ZDHHC18: variants seen among roughly 807,000 people sequenced by gnomAD.
The protein encoded by ZDHHC18 is zDHHC palmitoyltransferase 18, also known as palmitoyltransferase ZDHHC18.
In ZDHHC18, 23 loss-of-function variants were observed where a neutral mutation model predicts 37.5. That is an observed-to-expected ratio of 0.61 (90% CI 0.44 to 0.87). ZDHHC18 has a LOEUF of 0.87. ZDHHC18 is among the 40% of genes least tolerant of loss of function. The pLI is 0.00. For synonymous variants in ZDHHC18, 185 were observed against 218.7 expected (o/e 0.85, Z 1.36); for missense variants, 406 against 525.6 (o/e 0.77, Z 2.22).
At chr1:26,851,540 T>C (rs942513021) in intron 6 of ZDHHC18, among the ~76,000 whole-genome samples, 2 of 152,218 alleles carry the variant, frequency 1.3e-5, no homozygotes, top group Admixed American at 6.5e-5. Context: ...ACATGACCGC[T>C]TACAGAATTC....
At position 26,855,007 on chromosome 1, in the gene ZDHHC18, G is replaced by A. The variant is rs1167842265; in HGVS notation, c.*1164G>A. Reference sequence around the variant, plus strand: ...CACGAGAAAACCCTGGGCTCCCACTGGGGCTCAGCCCAGCCTCCTATCTTT... The same window carrying A: ...CACGAGAAAACCCTGGGCTCCCACTAGGGCTCAGCCCAGCCTCCTATCTTT... On this transcript the variant is annotated 3_prime_UTR_variant, in exon 8 of 8. Coordinates refer to ENST00000374142, the MANE Select transcript of ZDHHC18 (RefSeq NM_032283.3). 6.6e-6 allele frequency: 1 copy of A among 152,276 alleles called. No individual in the cohort carries two copies. Among genetic ancestry groups the A allele is most frequent in the East Asian group, 1.9e-4 (1 of 5,188 alleles). 9.4% of individuals were successfully genotyped at this position (152,276 alleles called of 1,614,324 possible). A position where few individuals can be genotyped will look rare whatever the true frequency, so the allele number is the denominator to read the frequency against.
chr1:26,845,320 CTTTTTTTTTTTTTTTT>C (rs71007896), intron 2 of ZDHHC18, among the ~76,000 whole-genome samples: 3 of 45,192 alleles, frequency 6.6e-5, no homozygotes, highest in East Asian at 4.3e-4. Context: ...CTTCTTCATT[CTTTTTTTTTTTTTTTT>C]TTTTTTTTTT....
At chr1:26,853,300 T>C in intron 7 of ZDHHC18, 1 of 246,890 alleles carries the variant, frequency 4.1e-6, no homozygotes, top group South Asian at 5.7e-5. Context: ...GAACGGGGAT[T>C]ACATTGCTGT....
At chr1:26,849,382 G>A (rs1415245695) in intron 3 of ZDHHC18, among the ~76,000 whole-genome samples, 1 of 152,206 alleles carries the variant, frequency 6.6e-6, no homozygotes, top group South Asian at 2.1e-4. Flanking sequence ...AGAGGGCCCA[G>A]GTGAGCTGAG....
At chr1:26,838,315 AT>A (rs919442804) in intron 2 of ZDHHC18, among the ~76,000 whole-genome samples, 1 of 150,588 alleles carries the variant, frequency 6.6e-6, no homozygotes, top group Non-Finnish European at 1.5e-5. Context: ...TTTTTAAATT[AT>A]TTTTTGTAGA....
chr1:26,837,870 C>T (rs2081620695), intron 2 of ZDHHC18, among the ~76,000 whole-genome samples: 1 of 152,090 alleles, frequency 6.6e-6, no homozygotes, highest in Non-Finnish European at 1.5e-5. Context: ...GTCCCTGGCA[C>T]CCCCAGCCAC....
chr1:26,831,845 AT>A (rs2124247401), intron 1 of ZDHHC18, among the ~76,000 whole-genome samples: 1 of 152,126 alleles, frequency 6.6e-6, no homozygotes, highest in African/African-American at 2.4e-5. Flanking sequence ...GGAGCTTAGG[AT>A]TGTCTCCTTC....
intron 1 of ZDHHC18, among the ~76,000 whole-genome samples, chr1:26,829,767 T>G (rs1255219432): frequency 6.6e-6 from 1 of 152,240 alleles, no homozygotes; most frequent in African/African-American, 2.4e-5. Flanking sequence ...GTGTATTTGC[T>G]GGGAGGCTGG....
chr1:26,827,117 A>G lies in ZDHHC18; in HGVS notation c.313A>G (p.Thr105Ala). Residue 105 changes from threonine (T) to alanine (A), a missense_variant, in exon 1 of 8, where the codon ACC becomes GCC. Thr to Ala is a moderately conservative substitution (Grantham distance 58). Transcript: ENST00000374142. ...CACGCTGCTGCTCATCCTCACCACC[A>G]CCGGCCTCTTCTTCGTCTTTGAGTG... ...ALTLLLILTT[T>A]GLFFVFDCPY... 3 of 1,413,932 alleles carry G rather than the reference A, an allele frequency of 2.1e-6. No individual in the cohort carries two copies. The highest frequency in any genetic ancestry group is 2.8e-6 in the Non-Finnish European group (3 of 1,088,316). The allele number at this position is 1,413,932 out of a possible 1,614,324, so 87.6% of individuals were successfully genotyped here. A position where few individuals can be genotyped will look rare whatever the true frequency, so the allele number is the denominator to read the frequency against.
intron 2 of ZDHHC18, among the ~76,000 whole-genome samples, chr1:26,848,025 C>T (rs1016687381): frequency 2.0e-5 from 3 of 152,108 alleles, no homozygotes; most frequent in Non-Finnish European, 4.4e-5. Context: ...GCAAATAAAC[C>T]TCACTGGCTG....
At chr1:26,846,272 ATGTG>A (rs1233342256) in intron 2 of ZDHHC18, among the ~76,000 whole-genome samples, 2 of 84,956 alleles carry the variant, frequency 2.4e-5, no homozygotes, top group African/African-American at 4.9e-5. Context: ...ATAGAGATAT[ATGTG>A]TGTGTGTGTG....
Position 26,850,634 on chromosome 1 carries a change from C to T in ZDHHC18, c.833+28C>T, listed in dbSNP as rs2081698065. The T allele has an allele frequency of 6.2e-7, 1 of 1,613,506 alleles. No homozygotes were observed. The highest frequency in any genetic ancestry group is 1.3e-5 in the African/African-American group (1 of 74,938). On this transcript the variant is annotated intron_variant, in intron 5 of 7. Coordinates refer to ENST00000374142, the MANE Select transcript of ZDHHC18 (RefSeq NM_032283.3). The surrounding 1 kb of genome is among the most constrained non-coding windows in gnomAD (Gnocchi z 6.1). ...ATCCTTTGTCAGCTAGAGGACACTCCAGTGGGAACTGAGGTCCCTTCACTG... is the reference window on the plus strand; with the variant it reads ...ATCCTTTGTCAGCTAGAGGACACTCTAGTGGGAACTGAGGTCCCTTCACTG...
rs1046254926 is a variant in ZDHHC18 at position 26,853,714 on chromosome 1, G to T, written c.1050-12G>T. ...GGCAGAGCCCTCATGTGTCTCCCTTGTGTTTTGGAAGCCTAATTGACCGGA... is the reference window on the plus strand; with the variant it reads ...GGCAGAGCCCTCATGTGTCTCCCTTTTGTTTTGGAAGCCTAATTGACCGGA... On this transcript the variant is annotated splice_polypyrimidine_tract_variant and intron_variant, in intron 7 of 7. Transcript: ENST00000374142. 4 of 1,613,408 alleles carry T rather than the reference G, an allele frequency of 2.5e-6. No homozygotes were observed. The South Asian group carries it at 3.3e-5, about 13-fold the overall frequency.
At chr1:26,828,085 T>C (rs1038996063) in intron 1 of ZDHHC18, among the ~76,000 whole-genome samples, 5 of 152,160 alleles carry the variant, frequency 3.3e-5, no homozygotes, top group African/African-American at 1.2e-4. Context: ...GACCCAGGAT[T>C]GGCCCACACA....
intron 2 of ZDHHC18, among the ~76,000 whole-genome samples, chr1:26,844,769 G>A (rs918330828): frequency 6.6e-6 from 1 of 151,872 alleles, no homozygotes; most frequent in African/African-American, 2.4e-5. Flanking sequence ...GCATTTCCTC[G>A]CTGACTAATG....
At position 26,850,794 on chromosome 1, in the gene ZDHHC18, G is replaced by A. The variant is rs1373234095; in HGVS notation, c.833+188G>A. Among the ~76,000 whole-genome samples, 2 of 152,176 alleles carry A rather than the reference G, an allele frequency of 1.3e-5. No homozygotes were observed. Among genetic ancestry groups the A allele is most frequent in the Non-Finnish European group, 1.5e-5 (1 of 68,030 alleles). The stretch of plus-strand genomic sequence containing the variant: ...ATCCTAAATGGGGCATTGTGGGGCC[G>A]GGGGTTCCTCGTCTTCAGGGGCCTG... On this transcript the variant is annotated intron_variant, in intron 5 of 7. Transcript: ENST00000374142. This position sits in a 1 kb window ranked among gnomAD's most constrained non-coding sequence, Gnocchi z 6.1.
chr1:26,832,347 G>T (rs1408305215), intron 1 of ZDHHC18, 100 bp from the exon 2 acceptor site: 4 of 1,468,646 alleles, frequency 2.7e-6, no homozygotes, highest in Non-Finnish European at 3.7e-6. Flanking sequence ...CAAGATTTTG[G>T]TGGTGGTTGT....
chr1:26,837,104 T>A (rs2081615487), intron 2 of ZDHHC18, among the ~76,000 whole-genome samples: 1 of 147,232 alleles, frequency 6.8e-6, no homozygotes, highest in Non-Finnish European at 1.5e-5. Flanking sequence ...ACAAAAAAAA[T>A]TAGCTGGGTG....
In ZDHHC18 at chr1:26,851,183, AG is replaced by A. The variant is rs1204459199; in HGVS notation, c.891del (p.His299ThrfsTer9). ...CCATCTGGTCCATTCTGGGCCTCTC[AG>A]GGTTTCACACGTACCTCGTCGCCTC... Reference protein sequence around the residue: ...FSIWSILGLSGFHTYLVASNL... With the variant: ...FSIWSILGLSXFHTYLVASNL... On this transcript the variant is annotated frameshift_variant, in exon 6 of 8. Transcript: ENST00000374142. LOFTEE classifies it high-confidence loss of function. 6.2e-7 allele frequency: 1 copy of A among 1,614,058 alleles called. No individual in the cohort carries two copies. The highest frequency in any genetic ancestry group is 8.5e-7 in the Non-Finnish European group (1 of 1,180,026).
Sources: gnomAD v4.1 joint callset for allele counts (sites outside exome capture counted in the v4.1 genomes callset) on GRCh38, gnomAD v4.1.1 for gene constraint, Gnocchi (gnomAD v3.1) non-coding constraint, MANE v1.5 for transcripts, NCBI Gene and HGNC (gene_info 2026-07-23, HGNC 2026-07-21) for gene names.